The following TRIM55 variants were observed in gnomAD, a reference collection of about 807,000 sequenced individuals.
TRIM55 encodes the protein tripartite motif containing 55, also known as tripartite motif-containing protein 55.
A neutral mutation model predicts 60.9 loss-of-function variants in TRIM55; 50 were observed. The ratio of observed to expected loss-of-function variants is 0.82; its 90% CI spans 0.65 to 1.04. The LOEUF is 1.04. TRIM55 is among the 50% of genes least tolerant of loss of function. The pLI is 0.00. For missense variants in TRIM55, 681 were observed against 666.9 expected (o/e 1.02, Z -0.23); for synonymous variants, 237 against 238.1 (o/e 1.00, Z 0.04).
the TRIM55 span, among the ~76,000 whole-genome samples, chr8:66,116,443 CA>C: frequency 6.6e-6 from 1 of 151,674 alleles, no homozygotes; most frequent in Non-Finnish European, 1.5e-5. Flanking sequence ...CCTGTCTCTA[CA>C]AAAAATACAA....
the TRIM55 span, among the ~76,000 whole-genome samples, chr8:66,120,370 G>A: frequency 1.3e-5 from 2 of 152,010 alleles, no homozygotes; most frequent in African/African-American, 2.4e-5. Flanking sequence ...GTTATTCATC[G>A]TGGGCCCTGC....
the TRIM55 span, among the ~76,000 whole-genome samples, chr8:66,117,508 A>AC: frequency 6.6e-6 from 1 of 152,260 alleles, no homozygotes; most frequent in South Asian, 2.1e-4. Flanking sequence ...TTTGTCACAT[A>AC]CATCTTATTT....
chr8:66,121,209 G>A, the TRIM55 span, among the ~76,000 whole-genome samples: 5 of 152,342 alleles, frequency 3.3e-5, no homozygotes, highest in South Asian at 1.0e-3. Context: ...CTGGAAAACT[G>A]TTGAAAGAGG....
intron 9 of TRIM55, among the ~76,000 whole-genome samples, chr8:66,161,168 A>T (rs1204060337): frequency 6.6e-6 from 1 of 151,710 alleles, no homozygotes; most frequent in Non-Finnish European, 1.5e-5. Context: ...TAGATTTAAG[A>T]TGGATTTAAG....
chr8:66,135,216 C>G, intron 3 of TRIM55, 61 bp downstream of exon 3: 1 of 1,588,316 alleles, frequency 6.3e-7, no homozygotes. Context: ...TAGGGCCTTC[C>G]TGGGGCCAGT....
At chr8:66,151,612 C>T (rs1442520159) in intron 7 of TRIM55, among the ~76,000 whole-genome samples, 1 of 152,048 alleles carries the variant, frequency 6.6e-6, no homozygotes, top group Non-Finnish European at 1.5e-5. Context: ...GAGGCCAAGG[C>T]GGGTGGATCA....
chr8:66,133,843 A>G (rs888008187), intron 2 of TRIM55, among the ~76,000 whole-genome samples: 2 of 152,188 alleles, frequency 1.3e-5, no homozygotes, highest in Non-Finnish European at 2.9e-5. Context: ...TGTATTCATG[A>G]TTTACAGTAG....
At chr8:66,148,678 G>C (rs1387991293) in intron 4 of TRIM55, among the ~76,000 whole-genome samples, 1 of 152,164 alleles carries the variant, frequency 6.6e-6, no homozygotes, top group Non-Finnish European at 1.5e-5. Flanking sequence ...ATTGGAACCA[G>C]ATCATGGAGG....
intron 9 of TRIM55, among the ~76,000 whole-genome samples, chr8:66,171,290 T>C (rs1384200695): frequency 7.0e-6 from 1 of 142,964 alleles, no homozygotes; most frequent in South Asian, 2.6e-4. Context: ...TTCCCCTCTA[T>C]GTGTTCATGT....
Position 66,135,060 on chromosome 8 carries a change from A to G in TRIM55, c.412A>G (p.Asn138Asp). ...EEERINIYCL[N>D]CEVPTCSLCK... ...GGAGCGCATCAACATCTACTGTCTGAACTGCGAAGTACCCACCTGCTCTCT... is the reference window on the plus strand; with the variant it reads ...GGAGCGCATCAACATCTACTGTCTGGACTGCGAAGTACCCACCTGCTCTCT... The change falls in exon 3 of 10, where the codon AAC (asparagine) becomes GAC (aspartate). Residue 138 changes from asparagine to aspartate, a missense_variant. Transcript: ENST00000315962. 1.9e-6 allele frequency: 3 copies of G among 1,614,200 alleles called. No homozygotes were observed. The highest frequency in any genetic ancestry group is 2.5e-6 in the Non-Finnish European group (3 of 1,180,036).
chr8:66,137,827 G>A (rs1372285279), intron 4 of TRIM55, among the ~76,000 whole-genome samples: 2 of 151,602 alleles, frequency 1.3e-5, no homozygotes, highest in Non-Finnish European at 2.9e-5. Flanking sequence ...TCATATTTGA[G>A]CTTGCCGTAT....
chr8:66,174,057 A>G (rs895016772), intron 9 of TRIM55, among the ~76,000 whole-genome samples: 1 of 152,096 alleles, frequency 6.6e-6, no homozygotes. Flanking sequence ...GTCATGTGGC[A>G]TAGCAGTGCC....
intron 4 of TRIM55, among the ~76,000 whole-genome samples, chr8:66,138,763 G>C (rs1255382703): frequency 1.3e-5 from 2 of 152,344 alleles, no homozygotes; most frequent in East Asian, 3.9e-4. Flanking sequence ...CTGTAAAAAT[G>C]GGGCAATCAT....
intron 7 of TRIM55, 195 bp from the exon 8 acceptor site, chr8:66,152,182 C>G (rs892467035): frequency 9.0e-6 from 6 of 667,990 alleles, no homozygotes; most frequent in Non-Finnish European, 1.5e-5. Context: ...AGGGATGGTT[C>G]CTTCACATTT....
rs898404909 is a variant in TRIM55, at chr8:66,149,610, A to G, written c.604-35A>G. ...GATTTCTCCAAATCGACTTTGTTTC[A>G]AATACTTTCTAACATTAGCTAACCC... On this transcript the variant is annotated intron_variant, in intron 4 of 9. Coordinates refer to ENST00000315962, the MANE Select transcript of TRIM55 (RefSeq NM_184085.2). 4.6e-6 allele frequency: 7 copies of G among 1,530,832 alleles called. No homozygotes were observed. The African/African-American group carries it at 9.6e-5, about 21-fold the overall frequency. 94.8% of individuals were successfully genotyped at this position (1,530,832 alleles called of 1,614,324 possible). A position where few individuals can be genotyped will look rare whatever the true frequency, so the allele number is the denominator to read the frequency against.
intron 9 of TRIM55, among the ~76,000 whole-genome samples, chr8:66,156,995 C>T (rs2128982872): frequency 6.6e-6 from 1 of 152,280 alleles, no homozygotes; most frequent in South Asian, 2.1e-4. Context: ...AGAGAAAACT[C>T]CATGCTTTAT....
At chr8:66,131,661 C>T (rs969276504) in intron 2 of TRIM55, among the ~76,000 whole-genome samples, 5 of 152,218 alleles carry the variant, frequency 3.3e-5, no homozygotes, top group African/African-American at 9.6e-5. Flanking sequence ...AAGTCCTCCT[C>T]TTTTCAGCCT....
intron 9 of TRIM55, among the ~76,000 whole-genome samples, chr8:66,157,463 T>C (rs1223438344): frequency 1.3e-5 from 2 of 152,200 alleles, no homozygotes; most frequent in Non-Finnish European, 2.9e-5. Context: ...CAGAACCCAG[T>C]TTACCAGATT....
the TRIM55 span, among the ~76,000 whole-genome samples, chr8:66,117,107 T>C: frequency 6.6e-6 from 1 of 152,248 alleles, no homozygotes; most frequent in Non-Finnish European, 1.5e-5. Flanking sequence ...TCCTGCTTTT[T>C]AAAACTGTCA....
Sources: allele counts gnomAD v4.1 joint callset (sites outside exome capture counted in the v4.1 genomes callset), GRCh38; gene constraint gnomAD v4.1.1; transcripts MANE v1.5; gene names NCBI Gene and HGNC (gene_info 2026-07-23, HGNC 2026-07-21).